IQCM: variants seen among roughly 807,000 people sequenced by gnomAD.
IQCM encodes the protein IQ domain-containing protein M.
A neutral mutation model predicts 57.6 loss-of-function variants in IQCM; 45 were observed. The ratio of observed to expected loss-of-function variants is 0.78; its 90% CI spans 0.62 to 1.00. The LOEUF is 1.00. IQCM is among the 50% of genes least tolerant of loss of function. IQCM has a pLI of 0.00. For missense variants in IQCM, 468 were observed against 511.6 expected, an observed-to-expected ratio of 0.91 and a Z score of 0.82; for synonymous variants, 148 against 158.9, an observed-to-expected ratio of 0.93 and a Z score of 0.51.
chr4:149,614,241 G>T (rs762874056), intron 8 of IQCM, among the ~76,000 whole-genome samples: 1 of 152,090 alleles, frequency 6.6e-6, no homozygotes, highest in Non-Finnish European at 1.5e-5. Flanking sequence ...CTATTTGCTC[G>T]TAATCCTGTA....
At chr4:149,518,743 A>G (rs1745260142) in intron 12 of IQCM, among the ~76,000 whole-genome samples, 1 of 152,198 alleles carries the variant, frequency 6.6e-6, no homozygotes, top group African/African-American at 2.4e-5. Flanking sequence ...AGAATATTGT[A>G]AAGGTGAAAA....
At chr4:149,646,800 A>G (rs775465027) in intron 7 of IQCM, among the ~76,000 whole-genome samples, 2 of 152,120 alleles carry the variant, frequency 1.3e-5, no homozygotes, top group African/African-American at 4.8e-5. Context: ...TTTGGCCAAC[A>G]TGGTGAAACC....
chr4:149,702,521 A>C (rs984543687), intron 5 of IQCM, among the ~76,000 whole-genome samples: 1 of 151,928 alleles, frequency 6.6e-6, no homozygotes, highest in African/African-American at 2.4e-5. Context: ...GCACTCAGTA[A>C]AGAGTCATCC....
intron 12 of IQCM, among the ~76,000 whole-genome samples, chr4:149,537,672 A>T (rs1747434144): frequency 6.6e-6 from 1 of 151,970 alleles, no homozygotes; most frequent in Admixed American, 6.6e-5. Context: ...CATAGACAAA[A>T]TGTTGAAAGA....
intron 13 of IQCM, among the ~76,000 whole-genome samples, chr4:149,432,238 C>T (rs1331214358): frequency 1.3e-5 from 2 of 151,768 alleles, no homozygotes; most frequent in Non-Finnish European, 2.9e-5. Flanking sequence ...AAAAAATTAT[C>T]TTAGCCTTTC....
chr4:149,518,815 G>T (rs1745273566), intron 12 of IQCM, among the ~76,000 whole-genome samples: 1 of 152,180 alleles, frequency 6.6e-6, no homozygotes, highest in African/African-American at 2.4e-5. Flanking sequence ...GTCTCAGACA[G>T]AAGTTGAGAA....
intron 9 of IQCM, among the ~76,000 whole-genome samples, chr4:149,586,361 A>G (rs143640403): frequency 2.9e-4 from 44 of 151,784 alleles, no homozygotes; most frequent in Non-Finnish European, 5.2e-4. Flanking sequence ...TCAAAAAACT[A>G]GACTACTTCC....
chr4:149,655,373 A>G (rs925836268), intron 7 of IQCM, among the ~76,000 whole-genome samples: 2 of 152,130 alleles, frequency 1.3e-5, no homozygotes, highest in South Asian at 4.1e-4. Context: ...TCTCTTAGAG[A>G]TTTGCTGAAC....
intron 3 of IQCM, among the ~76,000 whole-genome samples, chr4:149,736,188 T>G (rs1766925738): frequency 6.6e-6 from 1 of 152,118 alleles, no homozygotes; most frequent in Non-Finnish European, 1.5e-5. Flanking sequence ...GCTCAAGCAA[T>G]CTACCTGCCT....
At chr4:149,442,959 G>C (rs200109503) in intron 12 of IQCM, among the ~76,000 whole-genome samples, 4,911 of 36,384 alleles carry the variant, frequency 0.13, 93 homozygotes, top group East Asian at 0.29. Context: ...CACACAGAGA[G>C]AGAGAGAGAG....
intron 12 of IQCM, among the ~76,000 whole-genome samples, chr4:149,546,264 G>A (rs1178028502): frequency 6.6e-6 from 1 of 152,120 alleles, no homozygotes; most frequent in Non-Finnish European, 1.5e-5. Context: ...TGTGAATAGT[G>A]CCACAATAAA....
At chr4:149,574,577 T>G (rs1207627570) in intron 9 of IQCM, among the ~76,000 whole-genome samples, 1 of 151,924 alleles carries the variant, frequency 6.6e-6, no homozygotes. Flanking sequence ...TATGCAAGAT[T>G]ACATGTGAGA....
At chr4:149,644,217 A>C (rs77301158) in intron 7 of IQCM, among the ~76,000 whole-genome samples, 3,412 of 152,254 alleles carry the variant, frequency 0.022, 100 homozygotes, top group South Asian at 0.15. Flanking sequence ...AAGCATTTAA[A>C]TATATACCTA....
chr4:149,772,722 C>T (rs1267179254), intron 2 of IQCM, among the ~76,000 whole-genome samples: 3 of 152,140 alleles, frequency 2.0e-5, no homozygotes, highest in East Asian at 1.9e-4. Context: ...TCTGTGCTGT[C>T]GTTCTTTTCA....
At chr4:149,427,195 T>C (rs751130966) in intron 13 of IQCM, among the ~76,000 whole-genome samples, 1 of 152,150 alleles carries the variant, frequency 6.6e-6, no homozygotes, top group South Asian at 2.1e-4. Context: ...TGTTGCTTTA[T>C]ATCTGCTAGA....
At chr4:149,468,864 G>T (rs561907743) in intron 12 of IQCM, among the ~76,000 whole-genome samples, 1 of 152,246 alleles carries the variant, frequency 6.6e-6, no homozygotes, top group South Asian at 2.1e-4. Context: ...AGGCAAACAG[G>T]GTCGGAGTTC....
chr4:149,587,151 C>A (rs576472362), intron 9 of IQCM, among the ~76,000 whole-genome samples: 102 of 151,762 alleles, frequency 6.7e-4, no homozygotes, highest in Non-Finnish European at 1.2e-3. Flanking sequence ...AGGTTTTCTG[C>A]CTAAGTTCTC....
chr4:149,464,644 G>A (rs1240933046), intron 12 of IQCM, among the ~76,000 whole-genome samples: 1 of 151,954 alleles, frequency 6.6e-6, no homozygotes, highest in African/African-American at 2.4e-5. Flanking sequence ...TTGACCTTTT[G>A]AGATCACCTT....
Position 149,399,536 on chromosome 4 carries a change from A to T in IQCM, c.1390+33860T>A, listed in dbSNP as rs141272025. 2.8e-3 allele frequency among the ~76,000 whole-genome samples: 425 copies of T among 152,228 alleles called. 2 individuals carry two copies. Among genetic ancestry groups the T allele is most frequent in the African/African-American group, 9.1e-3 (379 of 41,552 alleles). On this transcript the variant is annotated intron_variant, in intron 13 of 13. Coordinates refer to ENST00000636793, the MANE Select transcript of IQCM (RefSeq NM_001363507.2). Reference sequence around the variant, plus strand: ...TGCCTCAAATAGCAACAAAAATGTAAATATAAAAGACACTAAAAATAGATG... The same window carrying T: ...TGCCTCAAATAGCAACAAAAATGTATATATAAAAGACACTAAAAATAGATG...
Sources: allele counts gnomAD v4.1 joint callset (sites outside exome capture counted in the v4.1 genomes callset), GRCh38; gene constraint gnomAD v4.1.1; transcripts MANE v1.5; gene names NCBI Gene and HGNC (gene_info 2026-07-23, HGNC 2026-07-21).